Variants in CIMIP6 observed in about 807,000 individuals in gnomAD.
CIMIP6 encodes uncharacterized protein C2orf73.
At chr2:54,373,332 G>C in the CIMIP6 span, among the ~76,000 whole-genome samples, 1 of 106,878 alleles carries the variant, frequency 9.4e-6, no homozygotes, top group Non-Finnish European at 2.2e-5. Context: ...GGCTGCCCAG[G>C]CCTTCACACC....
the CIMIP6 span, among the ~76,000 whole-genome samples, chr2:54,356,962 T>C: frequency 1.3e-5 from 2 of 152,050 alleles, no homozygotes; most frequent in African/African-American, 4.8e-5. Context: ...TGGACCATGA[T>C]ATTCATAAAA....
chr2:54,381,812 A>G, the CIMIP6 span: 26 of 1,512,522 alleles, frequency 1.7e-5, no homozygotes, highest in East Asian at 6.0e-4. Context: ...TTTTTCCCAT[A>G]ATTTTTCAGT....
the CIMIP6 span, among the ~76,000 whole-genome samples, chr2:54,331,445 A>ACAGCCCAGG: frequency 6.6e-6 from 1 of 152,000 alleles, no homozygotes; most frequent in South Asian, 2.1e-4. Context: ...AGTCAGAGCT[A>ACAGCCCAGG]TCCGTTTACA....
the CIMIP6 span, chr2:54,383,101 C>T: frequency 1.3e-5 from 2 of 151,766 alleles, no homozygotes; most frequent in East Asian, 3.9e-4. Flanking sequence ...GACACTCAAT[C>T]AGCCCAGTGG....
chr2:54,354,416 AT>A, the CIMIP6 span, among the ~76,000 whole-genome samples: 2 of 152,144 alleles, frequency 1.3e-5, no homozygotes, highest in African/African-American at 4.8e-5. Flanking sequence ...TTATATATTA[AT>A]TTAGGAAAAA....
the CIMIP6 span, among the ~76,000 whole-genome samples, chr2:54,372,456 G>A: frequency 6.6e-6 from 1 of 152,166 alleles, no homozygotes; most frequent in Non-Finnish European, 1.5e-5. Context: ...CTATTGAGAG[G>A]TGGAGTCTGT....
chr2:54,367,267 G>C, the CIMIP6 span, among the ~76,000 whole-genome samples: 1 of 152,042 alleles, frequency 6.6e-6, no homozygotes, highest in South Asian at 2.1e-4. Context: ...TTAACTATGA[G>C]GATGTTCTTT....
chr2:54,378,464 A>G, the CIMIP6 span, among the ~76,000 whole-genome samples: 1 of 152,202 alleles, frequency 6.6e-6, no homozygotes, highest in Non-Finnish European at 1.5e-5. Flanking sequence ...TGGCCAAATC[A>G]TATGTTTTAT....
the CIMIP6 span, among the ~76,000 whole-genome samples, chr2:54,376,386 C>G: frequency 6.6e-6 from 1 of 152,128 alleles, no homozygotes; most frequent in Non-Finnish European, 1.5e-5. Flanking sequence ...ATATTCCTGT[C>G]GTCGTAAGTA....
At chr2:54,360,459 C>T in the CIMIP6 span, 1,225,361 of 1,585,012 alleles carry the variant, frequency 0.77, 476,329 homozygotes, top group Non-Finnish European at 0.8. Context: ...CCCAGCACTC[C>T]TGAGAGCAGA....
At chr2:54,335,112 A>T in the CIMIP6 span, 3 of 1,007,308 alleles carry the variant, frequency 3.0e-6, no homozygotes, top group Non-Finnish European at 4.4e-6. Flanking sequence ...ATAAAGGATG[A>T]GACACATCTC....
the CIMIP6 span, chr2:54,358,962 C>A: frequency 6.6e-7 from 1 of 1,507,712 alleles, no homozygotes; most frequent in Non-Finnish European, 8.9e-7. Context: ...TTTTTAGTAC[C>A]ACTTGCCTCT....
At chr2:54,358,175 A>C in the CIMIP6 span, among the ~76,000 whole-genome samples, 2 of 152,228 alleles carry the variant, frequency 1.3e-5, no homozygotes, top group African/African-American at 4.8e-5. Flanking sequence ...ATTGGGCGAA[A>C]TGAAAAGAAT....
At chr2:54,343,310 A>G in the CIMIP6 span, among the ~76,000 whole-genome samples, 1 of 152,212 alleles carries the variant, frequency 6.6e-6, no homozygotes, top group South Asian at 2.1e-4. Context: ...TCTGAAAACC[A>G]CTATTTTTAG....
At chr2:54,332,122 T>A in the CIMIP6 span, among the ~76,000 whole-genome samples, 1 of 152,214 alleles carries the variant, frequency 6.6e-6, no homozygotes, top group Non-Finnish European at 1.5e-5. Context: ...TGGGAAGCTT[T>A]GGCAGTTACA....
chr2:54,374,426 T>A, the CIMIP6 span, among the ~76,000 whole-genome samples: 4 of 152,222 alleles, frequency 2.6e-5, no homozygotes, highest in Non-Finnish European at 4.4e-5. Flanking sequence ...CCTTTAGTCA[T>A]GGATGGCATT....
At chr2:54,335,795 T>C in the CIMIP6 span, among the ~76,000 whole-genome samples, 1 of 152,330 alleles carries the variant, frequency 6.6e-6, no homozygotes, top group Non-Finnish European at 1.5e-5. Flanking sequence ...GGCCTAGTTC[T>C]TTCTGTGGGC....
At chr2:54,333,727 A>G in the CIMIP6 span, among the ~76,000 whole-genome samples, 2 of 150,660 alleles carry the variant, frequency 1.3e-5, no homozygotes, top group African/African-American at 2.4e-5. Context: ...TGTCTCTACT[A>G]AAAAAAAATA....
chr2:54,375,887 T>G, the CIMIP6 span, among the ~76,000 whole-genome samples: 579 of 149,792 alleles, frequency 3.9e-3, 3 homozygotes, highest in African/African-American at 0.012. Context: ...ATATAGGGGG[T>G]GTGTGTGTGT....
Sources: gnomAD v4.1 joint callset for allele counts (sites outside exome capture counted in the v4.1 genomes callset) on GRCh38, gnomAD v4.1.1 for gene constraint, MANE v1.5 for transcripts, NCBI Gene and HGNC (gene_info 2026-07-23, HGNC 2026-07-21) for gene names.